Variants in DYSF observed in about 807,000 individuals in gnomAD.
The protein encoded by DYSF is dysferlin.
Under a neutral mutation model 274.9 loss-of-function variants are expected in DYSF, and 212 were observed. The ratio of observed to expected loss-of-function variants is 0.77; its 90% confidence interval spans 0.69 to 0.86. The LOEUF (loss-of-function observed/expected upper bound fraction) is 0.86, where lower values mean the gene tolerates loss of function less well. DYSF is among the 40% of genes least tolerant of loss of function. The pLI is 0.00. For synonymous variants in DYSF, 1,091 were observed against 1,078.7 expected (o/e 1.01, Z -0.22); for missense variants, 2,666 against 2,783.2 (o/e 0.96, Z 0.95).
chr2:71,590,199 C>A lies in DYSF; in HGVS notation c.3497-12C>A, dbSNP rs764865573. On this transcript the variant is annotated splice_polypyrimidine_tract_variant and intron_variant, in intron 31 of 55. Coordinates refer to ENST00000410020, the MANE Select transcript of DYSF (RefSeq NM_001130987.2). ...ACTCACTCTGGCACCTCTGTTTTTT[C>A]CCTTGGTGAAGATGGGAACCGCTAC... 1.9e-6 allele frequency: 3 copies of A among 1,614,112 alleles called. No individual in the cohort carries two copies. The South Asian group carries it at 3.3e-5, about 18-fold the overall frequency.
At chr2:71,661,393 A>G (rs994301250) in intron 45 of DYSF, among the ~76,000 whole-genome samples, 5 of 152,154 alleles carry the variant, frequency 3.3e-5, no homozygotes, top group Non-Finnish European at 7.4e-5. Flanking sequence ...GTTTAACCAA[A>G]CTAGACTTTT....
chr2:71,543,200 A>G (rs2090108086), intron 17 of DYSF, among the ~76,000 whole-genome samples: 1 of 120,786 alleles, frequency 8.3e-6, no homozygotes, highest in African/African-American at 3.1e-5. Context: ...GGCCCGTTAG[A>G]GACGCTCCTC....
chr2:71,640,426 T>C (rs913892398), intron 41 of DYSF, among the ~76,000 whole-genome samples: 4 of 152,136 alleles, frequency 2.6e-5, no homozygotes, highest in African/African-American at 4.8e-5. Context: ...TTTTAAAGGG[T>C]CAGATAGTAA....
chr2:71,540,311 A>G (rs1488999813), intron 17 of DYSF, among the ~76,000 whole-genome samples: 1 of 152,020 alleles, frequency 6.6e-6, no homozygotes. Context: ...GGGTTTTACC[A>G]TGTTGGCCAG....
Position 71,568,263 on chromosome 2 carries a change from A to T in DYSF, c.2789A>T (p.Lys930Met). The T allele has an allele frequency of 6.2e-7, 1 of 1,614,190 alleles. No individual in the cohort carries two copies. The highest frequency in any genetic ancestry group is 8.5e-7 in the Non-Finnish European group (1 of 1,180,040). The change falls in exon 26 of 56, where the codon AAG becomes ATG. Residue 930 changes from lysine to methionine, a missense_variant. Coordinates refer to ENST00000410020, the MANE Select transcript of DYSF (RefSeq NM_001130987.2). ...PKFSDVTGKI[K>M]LPKDSFRPSA... Reference sequence around the variant, plus strand: ...TTTTCTGACGTCACGGGCAAGATCAAGCTACCCAAGGACAGCTTCCGCCCC... The same window carrying T: ...TTTTCTGACGTCACGGGCAAGATCATGCTACCCAAGGACAGCTTCCGCCCC...
intron 19 of DYSF, among the ~76,000 whole-genome samples, chr2:71,552,340 T>C (rs562982017): frequency 2.0e-4 from 31 of 152,320 alleles, no homozygotes; most frequent in Middle Eastern, 3.4e-3. Context: ...ATTATACTTA[T>C]CTCATAAGAC....
intron 21 of DYSF, among the ~76,000 whole-genome samples, chr2:71,554,516 T>A (rs2091202634): frequency 6.6e-6 from 1 of 151,338 alleles, no homozygotes; most frequent in African/African-American, 2.4e-5. Flanking sequence ...GAGGGGGCTG[T>A]GTCCAGTGCA....
intron 26 of DYSF, among the ~76,000 whole-genome samples, chr2:71,569,313 T>C (rs747386752): frequency 6.6e-6 from 1 of 152,180 alleles, no homozygotes; most frequent in Non-Finnish European, 1.5e-5. Context: ...ATCCCCTGAG[T>C]GGTCCTTTCT....
At chr2:71,624,667 A>G (rs1459828359) in intron 41 of DYSF, among the ~76,000 whole-genome samples, 1 of 152,054 alleles carries the variant, frequency 6.6e-6, no homozygotes, top group Non-Finnish European at 1.5e-5. Flanking sequence ...TTTAAAAAAA[A>G]TGACCGACAA....
intron 3 of DYSF, among the ~76,000 whole-genome samples, chr2:71,492,405 C>T (rs545287384): frequency 1.3e-4 from 20 of 152,332 alleles, no homozygotes; most frequent in African/African-American, 4.6e-4. Context: ...CTCTCACTTT[C>T]CTGTCACCTG....
Position 71,466,778 on chromosome 2 carries a change from C to A in DYSF, c.-65C>A. The A allele has an allele frequency of 7.0e-7, 1 of 1,432,644 alleles. No homozygotes were observed. The highest frequency in any genetic ancestry group is 9.2e-7 in the Non-Finnish European group (1 of 1,082,414). The allele number at this position is 1,432,644 out of a possible 1,614,324, so 88.7% of individuals were successfully genotyped here. ...GAGCCGGGCGCTTGCTGGGTGGGTGCTCGGGCCCGGTGCTCCCGCTCCCGC... is the reference window on the plus strand; with the variant it reads ...GAGCCGGGCGCTTGCTGGGTGGGTGATCGGGCCCGGTGCTCCCGCTCCCGC... On this transcript the variant is annotated 5_prime_UTR_variant, in exon 1 of 56. Transcript: ENST00000410020.
At chr2:71,481,776 C>A in intron 2 of DYSF, 103 bp from the exon 3 acceptor site, 1 of 847,598 alleles carries the variant, frequency 1.2e-6, no homozygotes. Flanking sequence ...TAGAATCATT[C>A]ATGAATGCCT....
chr2:71,529,513 A>G (rs945388017), intron 14 of DYSF, among the ~76,000 whole-genome samples: 1 of 152,264 alleles, frequency 6.6e-6, no homozygotes, highest in Admixed American at 6.5e-5. Flanking sequence ...GCAAGAACTC[A>G]GAGTAGTTGA....
intron 22 of DYSF, among the ~76,000 whole-genome samples, chr2:71,558,748 G>T (rs917193222): frequency 6.6e-6 from 1 of 152,158 alleles, no homozygotes; most frequent in Admixed American, 6.5e-5. Flanking sequence ...CCAGCAGGGA[G>T]GCTGGTTCCA....
intron 32 of DYSF, among the ~76,000 whole-genome samples, chr2:71,592,237 C>T (rs1299638495): frequency 6.6e-6 from 1 of 152,160 alleles, no homozygotes; most frequent in African/African-American, 2.4e-5. Context: ...TCCAAGGGCC[C>T]AGCACTGGGA....
In DYSF at chr2:71,668,750, G is replaced by T. The variant is rs749655069; in HGVS notation, c.5458-4G>T. 13 of 1,613,058 alleles carry T rather than the reference G, an allele frequency of 8.1e-6. No individual in the cohort carries two copies. Among genetic ancestry groups the T allele is most frequent in the East Asian group, 4.5e-5 (2 of 44,856 alleles). Reference sequence around the variant, plus strand: ...TGGGGAGAGAACGGACCCTGTCTCCGCAGGGGAAGCTGCAGATGTGGGTCG... The same window carrying T: ...TGGGGAGAGAACGGACCCTGTCTCCTCAGGGGAAGCTGCAGATGTGGGTCG... On this transcript the variant is annotated splice_region_variant and splice_polypyrimidine_tract_variant and intron_variant, in intron 48 of 55. Coordinates refer to ENST00000410020, the MANE Select transcript of DYSF (RefSeq NM_001130987.2).
intron 40 of DYSF, among the ~76,000 whole-genome samples, chr2:71,617,873 AGGTGG>A (rs2093936954): frequency 3.2e-5 from 1 of 30,834 alleles, no homozygotes. Flanking sequence ...TGTGTGGTAG[AGGTGG>A]GGTGTGTGTG....
At chr2:71,511,729 C>A in intron 4 of DYSF, 78 bp from the exon 5 acceptor site, 1 of 946,840 alleles carries the variant, frequency 1.1e-6, no homozygotes, top group Non-Finnish European at 1.7e-6. Flanking sequence ...GGAGGGATGC[C>A]AGAAACAGGG....
intron 32 of DYSF, among the ~76,000 whole-genome samples, chr2:71,593,597 G>A (rs1239387649): frequency 6.6e-6 from 1 of 152,226 alleles, no homozygotes; most frequent in Non-Finnish European, 1.5e-5. Flanking sequence ...TTGGTGTGGA[G>A]TGGGTAGCAT....
Sources: gnomAD v4.1 joint callset for allele counts (sites outside exome capture counted in the v4.1 genomes callset) on GRCh38, gnomAD v4.1.1 for gene constraint, MANE v1.5 for transcripts, NCBI Gene and HGNC (gene_info 2026-07-23, HGNC 2026-07-21) for gene names.